The following FLT1 variants were observed in gnomAD, a reference collection of about 807,000 sequenced individuals.
FLT1 encodes the protein vascular endothelial growth factor receptor 1.
A neutral mutation model predicts 156.3 loss-of-function variants in FLT1; 49 were observed. That is an observed-to-expected ratio of 0.31 (90% CI 0.25 to 0.40). The LOEUF (loss-of-function observed/expected upper bound fraction) is 0.40. FLT1 is among the 10% of genes least tolerant of loss of function. The pLI is 1.00. For synonymous variants in FLT1, 594 were observed against 583.8 expected (o/e 1.02, Z -0.25); for missense variants, 1,322 against 1,637.2 (o/e 0.81, Z 3.32).
intron 3 of FLT1, among the ~76,000 whole-genome samples, chr13:28,456,686 C>G (rs1235409895): frequency 6.6e-6 from 1 of 151,898 alleles, no homozygotes; most frequent in African/African-American, 2.4e-5. Context: ...ATCCCAGCTA[C>G]TTGGGAGGCT....
chr13:28,360,348 G>T (rs1200262844), intron 14 of FLT1, among the ~76,000 whole-genome samples: 1 of 152,172 alleles, frequency 6.6e-6, no homozygotes, highest in Non-Finnish European at 1.5e-5. Flanking sequence ...TCTACCCAAA[G>T]AAATTGAAAT....
intron 14 of FLT1, among the ~76,000 whole-genome samples, chr13:28,379,606 G>A (rs1373476957): frequency 6.6e-5 from 10 of 152,196 alleles, no homozygotes. Context: ...CCAACCCCGA[G>A]GTACTCAGGC....
At chr13:28,425,784 G>A (rs771361732) in intron 10 of FLT1, among the ~76,000 whole-genome samples, 3 of 151,974 alleles carry the variant, frequency 2.0e-5, no homozygotes, top group Non-Finnish European at 2.9e-5. Context: ...GACCCTAAAC[G>A]GATGGGTCGA....
chr13:28,474,612 C>G (rs1219266597), intron 1 of FLT1, among the ~76,000 whole-genome samples: 1 of 151,832 alleles, frequency 6.6e-6, no homozygotes, highest in African/African-American at 2.4e-5. Flanking sequence ...ATGTTCAGAG[C>G]AGGCAAATCC....
At position 28,300,660 on chromosome 13, in the gene FLT1, A is replaced by G; in HGVS notation, c.*2507T>C. 1 of 232,654 alleles carries G rather than the reference A, an allele frequency of 4.3e-6. No homozygotes were observed. The allele number at this position is 232,654 out of a possible 1,614,324, so 14.4% of individuals were successfully genotyped here. On this transcript the variant is annotated 3_prime_UTR_variant, in exon 30 of 30. Coordinates refer to ENST00000282397, the MANE Select transcript of FLT1 (RefSeq NM_002019.4). The stretch of plus-strand genomic sequence containing the variant: ...TGTTTGCATTCTTGTGGGCTAGGAA[A>G]CAAGGCACGGGTCCCTAAAATTAAC...
At chr13:28,303,473 T>A in intron 29 of FLT1, 105 bp from the exon 30 acceptor site, 2 of 984,788 alleles carry the variant, frequency 2.0e-6, no homozygotes, top group Non-Finnish European at 1.5e-6. Flanking sequence ...CATACCTGTC[T>A]AGAGTTCATG....
At chr13:28,349,019 G>C (rs566374504) in intron 15 of FLT1, among the ~76,000 whole-genome samples, 1 of 152,168 alleles carries the variant, frequency 6.6e-6, no homozygotes, top group East Asian at 1.9e-4. Context: ...CTAGGTGCTG[G>C]TATACAGTTA....
chr13:28,467,229 CTT>C (rs965473329), intron 2 of FLT1, 100 bp from the exon 3 acceptor site: 7 of 903,886 alleles, frequency 7.7e-6, no homozygotes, highest in Non-Finnish European at 1.3e-5. Context: ...GAGGTCCTCT[CTT>C]AAGTGTAGTC....
At chr13:28,343,561 G>C (rs1472437351) in intron 16 of FLT1, among the ~76,000 whole-genome samples, 1 of 151,932 alleles carries the variant, frequency 6.6e-6, no homozygotes, top group Non-Finnish European at 1.5e-5. Flanking sequence ...CTGAGTGCCA[G>C]GCGTCCCAAA....
intron 1 of FLT1, among the ~76,000 whole-genome samples, chr13:28,478,551 A>G (rs1880675027): frequency 1.3e-5 from 2 of 152,232 alleles, no homozygotes; most frequent in Non-Finnish European, 2.9e-5. Flanking sequence ...TAAGTATAAA[A>G]GCGGGAATTG....
At chr13:28,384,302 C>A (rs1454798947) in intron 14 of FLT1, among the ~76,000 whole-genome samples, 1 of 151,854 alleles carries the variant, frequency 6.6e-6, no homozygotes, top group Non-Finnish European at 1.5e-5. Context: ...GGCATGGTGA[C>A]AGCACATGCC....
At chr13:28,324,890 T>C (rs1414574760) in intron 20 of FLT1, among the ~76,000 whole-genome samples, 1 of 152,220 alleles carries the variant, frequency 6.6e-6, no homozygotes, top group African/African-American at 2.4e-5. Context: ...CAGCTTTGCT[T>C]ATCAGTACCA....
At chr13:28,306,318 C>A (rs1870746477) in intron 29 of FLT1, among the ~76,000 whole-genome samples, 1 of 152,158 alleles carries the variant, frequency 6.6e-6, no homozygotes, top group African/African-American at 2.4e-5. Context: ...ATGAACCCTG[C>A]CGGCATAGGG....
intron 3 of FLT1, among the ~76,000 whole-genome samples, chr13:28,454,442 A>G (rs575512481): frequency 1.3e-5 from 2 of 152,260 alleles, no homozygotes; most frequent in South Asian, 4.2e-4. Flanking sequence ...GCACATATGC[A>G]CTCTTGATTA....
intron 10 of FLT1, among the ~76,000 whole-genome samples, chr13:28,426,440 C>T (rs1377029098): frequency 2.0e-5 from 3 of 152,182 alleles, no homozygotes; most frequent in Non-Finnish European, 2.9e-5. Context: ...CACTAAGTAT[C>T]TACTGTGTGC....
In FLT1 at chr13:28,302,061, G is replaced by A. The variant is rs545209754; in HGVS notation, c.*1106C>T. The A allele has an allele frequency of 3.9e-5, 9 of 233,452 alleles. 1 individual carries two copies. In the Admixed American group the frequency reaches 5.1e-4, roughly 13 times the overall value. 14.5% of individuals were successfully genotyped at this position (233,452 alleles called of 1,614,324 possible). A position where few individuals can be genotyped will look rare whatever the true frequency, so the allele number is the denominator to read the frequency against. ...ACTGTGTTGGTGAATTGGTTTGGTT[G>A]GTATAGAGACGGGGTTTTCCCTTGA... On this transcript the variant is annotated 3_prime_UTR_variant, in exon 30 of 30. Coordinates refer to ENST00000282397, the MANE Select transcript of FLT1 (RefSeq NM_002019.4).
intron 12 of FLT1, among the ~76,000 whole-genome samples, chr13:28,391,381 C>G (rs1874702443): frequency 6.6e-6 from 1 of 152,216 alleles, no homozygotes; most frequent in Non-Finnish European, 1.5e-5. Context: ...TCCCTCTGCT[C>G]TCTGAGACAA....
intron 10 of FLT1, 44 bp downstream of exon 10, chr13:28,427,115 T>C: frequency 6.4e-7 from 1 of 1,566,852 alleles, no homozygotes; most frequent in East Asian, 2.2e-5. Context: ...ATTCCAGGTG[T>C]CAAAAAGTAT....
chr13:28,463,757 C>T (rs76054588), intron 3 of FLT1, among the ~76,000 whole-genome samples: 2,184 of 151,926 alleles, frequency 0.014, 59 homozygotes, highest in African/African-American at 0.05. Context: ...TGGAAGTGTT[C>T]GGTAACAATG....
Sources: gnomAD v4.1 joint callset for allele counts (sites outside exome capture counted in the v4.1 genomes callset) on GRCh38, gnomAD v4.1.1 for gene constraint, MANE v1.5 for transcripts, NCBI Gene and HGNC (gene_info 2026-07-23, HGNC 2026-07-21) for gene names.